Variants in TANK observed in about 807,000 individuals in gnomAD.
TANK encodes the protein TRAF family member associated NFKB activator, also known as TRAF family member-associated NF-kappa-B activator.
TANK carries 15 observed loss-of-function variants against 43.6 expected under a neutral mutation model. The ratio of observed to expected loss-of-function variants is 0.34; its 90% CI spans 0.23 to 0.53. The LOEUF (loss-of-function observed/expected upper bound fraction) is 0.53. TANK is among the 20% of genes least tolerant of loss of function. TANK has a pLI of 0.94. For missense variants in TANK, 417 were observed against 498.6 expected (o/e 0.84, Z 1.56); for synonymous variants, 162 against 178.2 (o/e 0.91, Z 0.73).
chr2:161,170,788 G>T (rs968247733), intron 1 of TANK, among the ~76,000 whole-genome samples: 1 of 152,132 alleles, frequency 6.6e-6, no homozygotes, highest in South Asian at 2.1e-4. Flanking sequence ...TCCATAGAAA[G>T]GTTAAATGAC....
intron 4 of TANK, among the ~76,000 whole-genome samples, chr2:161,214,380 A>C (rs1352919106): frequency 6.6e-6 from 1 of 152,216 alleles, no homozygotes; most frequent in East Asian, 1.9e-4. Flanking sequence ...TATGCAGCAG[A>C]AGTCCTTTTG....
At chr2:161,159,059 G>T (rs1409950978), upstream of TANK, 2 of 152,220 alleles carry the variant, frequency 1.3e-5, no homozygotes, top group East Asian at 1.9e-4. Flanking sequence ...TGCTGGCAAG[G>T]ATTTGGAGCA....
At chr2:161,189,570 C>T (rs547817880) in intron 2 of TANK, among the ~76,000 whole-genome samples, 1 of 152,114 alleles carries the variant, frequency 6.6e-6, no homozygotes, top group East Asian at 1.9e-4. Flanking sequence ...AAATAAAAGC[C>T]ATCAAATTGG....
rs1375068038 is a variant in TANK, at chr2:161,185,485, G to GT, written c.99+5734dup. 6.4e-4 allele frequency among the ~76,000 whole-genome samples: 94 copies of GT among 146,852 alleles called. 1 individual carries two copies. The highest frequency in any genetic ancestry group is 4.4e-3 in the East Asian group (22 of 5,004). ...TAACTAGTGAGGTTTTTGGTTTTTT[G>GT]TTTTTTTTTTCTTTTTTTGGATGAA... On this transcript the variant is annotated intron_variant, in intron 2 of 7. Transcript: ENST00000392749.
intron 1 of TANK, among the ~76,000 whole-genome samples, chr2:161,165,302 A>G (rs550060629): frequency 1.1e-4 from 17 of 152,338 alleles, no homozygotes; most frequent in East Asian, 3.9e-4. Context: ...GTGACTTGCT[A>G]TAAGGGACAG....
intron 2 of TANK, among the ~76,000 whole-genome samples, chr2:161,187,561 A>G (rs1042281828): frequency 8.5e-5 from 13 of 152,240 alleles, no homozygotes; most frequent in Non-Finnish European, 1.6e-4. Flanking sequence ...TCCAAAGTAT[A>G]TGAAGCAAGC....
At chr2:161,229,373 A>G (rs1687794147) in intron 6 of TANK, among the ~76,000 whole-genome samples, 1 of 152,172 alleles carries the variant, frequency 6.6e-6, no homozygotes, top group Non-Finnish European at 1.5e-5. Flanking sequence ...TTTATTAGGA[A>G]GGTAACTTGG....
intron 2 of TANK, among the ~76,000 whole-genome samples, chr2:161,186,744 C>T (rs975916813): frequency 2.0e-5 from 3 of 152,068 alleles, no homozygotes; most frequent in African/African-American, 7.2e-5. Flanking sequence ...ACAGAGACAA[C>T]CTACAGAATG....
chr2:161,233,403 A>G (rs1430103557), intron 7 of TANK, among the ~76,000 whole-genome samples: 1 of 152,084 alleles, frequency 6.6e-6, no homozygotes, highest in Non-Finnish European at 1.5e-5. Flanking sequence ...TCTCAAAATA[A>G]TAATAATAAT....
intron 4 of TANK, among the ~76,000 whole-genome samples, chr2:161,205,716 G>A (rs547668798): frequency 6.6e-6 from 1 of 152,212 alleles, no homozygotes; most frequent in Non-Finnish European, 1.5e-5. Context: ...AATTTCAATA[G>A]CAATGTTGAG....
intron 2 of TANK, chr2:161,179,985 T>C: frequency 8.2e-7 from 1 of 1,218,012 alleles, no homozygotes; most frequent in Non-Finnish European, 1.0e-6. Context: ...CCTTTTCAGG[T>C]GATTGTGAAA....
At position 161,229,077 on chromosome 2, in the gene TANK, A is replaced by G. The variant is rs190840779; in HGVS notation, c.521-1894A>G. On this transcript the variant is annotated intron_variant, in intron 6 of 7. Coordinates refer to ENST00000392749, the MANE Select transcript of TANK (RefSeq NM_001199135.3). Reference sequence around the variant, plus strand: ...TGTGTTTCAGTTCTCAGGGCATCCAAGAGTCATGGGAGAGTCATCCAGAGA... The same window carrying G: ...TGTGTTTCAGTTCTCAGGGCATCCAGGAGTCATGGGAGAGTCATCCAGAGA... Among the ~76,000 whole-genome samples, 41 of 152,372 alleles carry G rather than the reference A, an allele frequency of 2.7e-4. No homozygotes were observed. The East Asian group carries it at 7.3e-3, about 27-fold the overall frequency.
At chr2:161,229,498 G>T (rs989749315) in intron 6 of TANK, among the ~76,000 whole-genome samples, 6 of 152,152 alleles carry the variant, frequency 3.9e-5, no homozygotes, top group Admixed American at 2.6e-4. Flanking sequence ...CAGTTTAAAG[G>T]CTGTTATAAT....
chr2:161,205,398 A>G (rs1042478361), intron 4 of TANK, among the ~76,000 whole-genome samples: 2 of 151,976 alleles, frequency 1.3e-5, no homozygotes, highest in East Asian at 1.9e-4. Flanking sequence ...GTGTGTGTGT[A>G]TATATATAAA....
At chr2:161,192,654 A>C (rs1300820327) in intron 2 of TANK, among the ~76,000 whole-genome samples, 1 of 152,242 alleles carries the variant, frequency 6.6e-6, no homozygotes, top group Non-Finnish European at 1.5e-5. Flanking sequence ...GTAGCGCACT[A>C]ATCTCAAATA....
chr2:161,235,731 CA>C lies in TANK; in HGVS notation c.*221del, dbSNP rs3835941. ...AGAAATAAGCCTAAAAGAAGAAAAA[CA>C]AAAAAAATTCTGTATAAAACTGTAA... On this transcript the variant is annotated 3_prime_UTR_variant, in exon 8 of 8. Coordinates refer to ENST00000392749, the MANE Select transcript of TANK (RefSeq NM_001199135.3). 29 of 382,262 alleles carry C rather than the reference CA, an allele frequency of 7.6e-5. No individual in the cohort carries two copies. Among genetic ancestry groups the C allele is most frequent in the South Asian group, 1.8e-4 (3 of 16,518 alleles). The allele number at this position is 382,262 out of a possible 1,614,324, so 23.7% of individuals were successfully genotyped here.
intron 2 of TANK, among the ~76,000 whole-genome samples, chr2:161,185,772 T>G (rs1462463838): frequency 1.3e-4 from 20 of 148,310 alleles, no homozygotes; most frequent in African/African-American, 5.0e-4. Context: ...AGATGACGAG[T>G]TAGTGGGTGT....
chr2:161,215,613 CT>C (rs1469201927), intron 4 of TANK, among the ~76,000 whole-genome samples: 1 of 152,070 alleles, frequency 6.6e-6, no homozygotes, highest in African/African-American at 2.4e-5. Context: ...TATCTGGGAT[CT>C]GAAATCAATA....
At chr2:161,172,628 A>G (rs980551476) in intron 1 of TANK, among the ~76,000 whole-genome samples, 2 of 152,032 alleles carry the variant, frequency 1.3e-5, no homozygotes, top group Non-Finnish European at 2.9e-5. Context: ...ATGTCTGGCT[A>G]TCACCACTTT....
Sources: gnomAD v4.1 joint callset for allele counts (sites outside exome capture counted in the v4.1 genomes callset) on GRCh38, gnomAD v4.1.1 for gene constraint, MANE v1.5 for transcripts, NCBI Gene and HGNC (gene_info 2026-07-23, HGNC 2026-07-21) for gene names.